The following COPG2 variants were observed in gnomAD, a reference collection of about 807,000 sequenced individuals.
COPG2 encodes coat protein complex I subunit gamma 2.
A neutral mutation model predicts 46.3 loss-of-function variants in COPG2; 37 were observed. The ratio of observed to expected loss-of-function variants is 0.80; its 90% CI spans 0.61 to 1.05. COPG2 has a LOEUF of 1.05. COPG2 is among the 50% of genes least tolerant of loss of function. The pLI is 0.00. For synonymous variants in COPG2, 159 were observed against 129.7 expected (o/e 1.23, Z -1.53); for missense variants, 427 against 387.8 (o/e 1.10, Z -0.85).
intron 2 of COPG2, 29 bp downstream of exon 2, chr7:130,667,453 A>G: frequency 6.3e-7 from 1 of 1,599,472 alleles, no homozygotes; most frequent in Non-Finnish European, 8.6e-7. Flanking sequence ...AATAGAAAAG[A>G]AAGGGCACAA....
At chr7:130,625,821 C>T (rs1795110506) in intron 5 of COPG2, among the ~76,000 whole-genome samples, 1 of 151,792 alleles carries the variant, frequency 6.6e-6, no homozygotes. Context: ...CATATGCTTT[C>T]TTTTGAATTA....
At position 130,667,552 on chromosome 7, in the gene COPG2, C is replaced by T. The variant is rs1554461648; in HGVS notation, c.38-18G>A. 1.9e-6 allele frequency: 3 copies of T among 1,606,110 alleles called. No homozygotes were observed. The East Asian group carries it at 6.7e-5, about 36-fold the overall frequency. On this transcript the variant is annotated intron_variant, in intron 1 of 23. Transcript: ENST00000425248. ...GCCACTACCTATTTATAAAACAAAACAAAAAAATGTCCTGAACAGCTGTTC... is the reference window on the plus strand; with the variant it reads ...GCCACTACCTATTTATAAAACAAAATAAAAAAATGTCCTGAACAGCTGTTC...
intron 5 of COPG2, among the ~76,000 whole-genome samples, chr7:130,633,294 G>A (rs1305969872): frequency 1.3e-5 from 2 of 152,104 alleles, no homozygotes; most frequent in African/African-American, 4.8e-5. Context: ...GGTATTTCTG[G>A]TTCTAGATCC....
chr7:130,651,531 A>T, intron 5 of COPG2, among the ~76,000 whole-genome samples: 1 of 80,324 alleles, frequency 1.2e-5, no homozygotes, highest in East Asian at 4.0e-4. Context: ...TTTTTTTGAG[A>T]CGGAGTCTCG....
intron 20 of COPG2, among the ~76,000 whole-genome samples, chr7:130,522,583 C>T (rs890076413): frequency 1.3e-5 from 2 of 151,216 alleles, no homozygotes; most frequent in Non-Finnish European, 1.5e-5. Flanking sequence ...AGTCGGAGGG[C>T]GAGTGTGGAG....
intron 5 of COPG2, among the ~76,000 whole-genome samples, chr7:130,638,432 A>C (rs1795389332): frequency 6.6e-6 from 1 of 152,120 alleles, no homozygotes; most frequent in Admixed American, 6.5e-5. Context: ...CCCAGAGAGG[A>C]GGAATCTAGA....
At chr7:130,547,907 C>T in intron 19 of COPG2, 62 bp from the exon 20 acceptor site, 1 of 398,402 alleles carries the variant, frequency 2.5e-6, no homozygotes. Context: ...TACTCATAAC[C>T]CACTACTCAG....
intron 11 of COPG2, among the ~76,000 whole-genome samples, chr7:130,562,842 G>A (rs961444558): frequency 6.6e-6 from 1 of 152,040 alleles, no homozygotes. Flanking sequence ...TACTGGACAG[G>A]GCTGCTGTAG....
intron 20 of COPG2, among the ~76,000 whole-genome samples, chr7:130,532,958 A>G (rs1056376471): frequency 2.6e-5 from 4 of 152,226 alleles, no homozygotes; most frequent in East Asian, 1.9e-4. Flanking sequence ...GGACAGTACC[A>G]TGCTATGCAG....
chr7:130,577,991 C>A (rs1223895078), intron 9 of COPG2, among the ~76,000 whole-genome samples: 1 of 152,234 alleles, frequency 6.6e-6, no homozygotes, highest in Non-Finnish European at 1.5e-5. Flanking sequence ...TGGGTGGAGC[C>A]CACCACAGCT....
intron 20 of COPG2, among the ~76,000 whole-genome samples, chr7:130,533,698 C>A (rs990576027): frequency 3.9e-5 from 6 of 152,034 alleles, no homozygotes; most frequent in Non-Finnish European, 4.4e-5. Context: ...ACAGTGAGGG[C>A]AGGTCAGGCT....
chr7:130,525,761 C>A (rs940343858), intron 20 of COPG2, among the ~76,000 whole-genome samples: 5 of 152,098 alleles, frequency 3.3e-5, no homozygotes, highest in African/African-American at 1.2e-4. Flanking sequence ...GTACATGGGA[C>A]AGAGTATGGC....
chr7:130,516,629 G>C (rs1287377915), intron 20 of COPG2, among the ~76,000 whole-genome samples: 2 of 152,176 alleles, frequency 1.3e-5, no homozygotes, highest in African/African-American at 2.4e-5. Context: ...AACATGCAGT[G>C]CAGAAAAACA....
At chr7:130,612,423 T>A (rs782670877) in intron 7 of COPG2, among the ~76,000 whole-genome samples, 185 bp from the exon 8 acceptor site, 38 of 152,162 alleles carry the variant, frequency 2.5e-4, no homozygotes, top group Non-Finnish European at 4.6e-4. Context: ...TTTTCTCCCA[T>A]ACCTGTTACA....
At chr7:130,601,551 A>G (rs1554450334) in intron 9 of COPG2, among the ~76,000 whole-genome samples, 1 of 152,174 alleles carries the variant, frequency 6.6e-6, no homozygotes, top group African/African-American at 2.4e-5. Context: ...TTCTCAACAA[A>G]CTAACACAAG....
chr7:130,536,810 G>C (rs976159441), intron 20 of COPG2, among the ~76,000 whole-genome samples: 2 of 152,212 alleles, frequency 1.3e-5, no homozygotes, highest in East Asian at 1.9e-4. Flanking sequence ...TCCGAGACTC[G>C]AGGACTCAGG....
intron 5 of COPG2, among the ~76,000 whole-genome samples, chr7:130,649,094 A>C (rs1341934487): frequency 1.3e-5 from 2 of 152,236 alleles, no homozygotes; most frequent in African/African-American, 4.8e-5. Context: ...TCTTGCCTAG[A>C]TAATCCCATC....
At chr7:130,519,922 A>G (rs1317314315) in intron 20 of COPG2, among the ~76,000 whole-genome samples, 1 of 152,232 alleles carries the variant, frequency 6.6e-6, no homozygotes, top group Non-Finnish European at 1.5e-5. Flanking sequence ...TGGCACTTGA[A>G]GTCTTAGTGG....
At chr7:130,535,026 C>T (rs926908942) in intron 20 of COPG2, among the ~76,000 whole-genome samples, 9 of 151,984 alleles carry the variant, frequency 5.9e-5, no homozygotes, top group African/African-American at 1.7e-4. Flanking sequence ...GTGGAAGATC[C>T]GGAGGAGCAA....
Sources: gnomAD v4.1 joint callset for allele counts (sites outside exome capture counted in the v4.1 genomes callset) on GRCh38, gnomAD v4.1.1 for gene constraint, MANE v1.5 for transcripts, NCBI Gene and HGNC (gene_info 2026-07-23, HGNC 2026-07-21) for gene names.